The following PTPRS variants were observed in gnomAD, a reference collection of about 807,000 sequenced individuals.
PTPRS encodes the protein receptor-type tyrosine-protein phosphatase S.
In PTPRS, 63 loss-of-function variants were observed where a neutral mutation model predicts 215.3. The observed-to-expected ratio is 0.29, with a 90% CI of 0.24 to 0.36. The LOEUF (loss-of-function observed/expected upper bound fraction) is 0.36, where lower values mean the gene tolerates loss of function less well. PTPRS is among the 10% of genes least tolerant of loss of function. PTPRS has a pLI of 1.00. For missense variants in PTPRS, 2,258 were observed against 2,825.8 expected (o/e 0.80, Z 4.56); for synonymous variants, 1,404 against 1,191.4 (o/e 1.18, Z -3.68).
Position 5,257,429 on chromosome 19 carries a change from C to CTCGGAGAG in PTPRS, c.706+580_706+587dup, listed in dbSNP as rs780692297. 2.2e-6 allele frequency: 1 copy of CTCGGAGAG among 458,544 alleles called. No homozygotes were observed. The highest frequency in any genetic ancestry group is 1.5e-5 in the South Asian group (1 of 64,652). 28.4% of individuals were successfully genotyped at this position (458,544 alleles called of 1,614,324 possible). ...CCTCCCATCGGCCTGGACTGCCCTTCTCGGAGAGTCATTAGGAAGAGGCAG... is the reference window on the plus strand; with the variant it reads ...CCTCCCATCGGCCTGGACTGCCCTTCTCGGAGAGTCGGAGAGTCATTAGGAAGAGGCAG... On this transcript the variant is annotated intron_variant, in intron 8 of 37. Coordinates refer to ENST00000262963, the MANE Select transcript of PTPRS (RefSeq NM_002850.4). This position sits in a 1 kb window ranked among gnomAD's most constrained non-coding sequence, Gnocchi z 4.4.
intron 9 of PTPRS, 109 bp from the exon 10 acceptor site, chr19:5,246,154 AGAAAGAAAGAAG>A: frequency 1.8e-6 from 1 of 556,150 alleles, no homozygotes; most frequent in Non-Finnish European, 2.7e-6. Flanking sequence ...GCAGGAAGGA[AGAAAGAAAGAAG>A]GAAAGAAAGA....
chr19:5,327,203 C>T (rs1394984922), intron 1 of PTPRS, among the ~76,000 whole-genome samples: 3 of 152,194 alleles, frequency 2.0e-5, no homozygotes, highest in Admixed American at 6.5e-5. Context: ...CTCAATACCC[C>T]GGACACAGCG....
chr19:5,211,928 C>T (rs1215050636), intron 32 of PTPRS, 37 bp downstream of exon 32: 1 of 1,550,618 alleles, frequency 6.4e-7, no homozygotes, highest in South Asian at 1.2e-5. Context: ...GGGCCTCCTC[C>T]CCACCCCGCC....
intron 2 of PTPRS, among the ~76,000 whole-genome samples, chr19:5,274,647 T>C (rs1201187392): frequency 2.0e-5 from 1 of 49,512 alleles, no homozygotes; most frequent in East Asian, 2.0e-3. Flanking sequence ...GGATACAACC[T>C]CACCTGGGCA....
intron 4 of PTPRS, among the ~76,000 whole-genome samples, chr19:5,268,179 AAATAAATAAATT>A (rs1345399479): frequency 3.0e-5 from 4 of 131,958 alleles, no homozygotes; most frequent in Non-Finnish European, 5.1e-5. Context: ...CAAAATAAAT[AAATAAATAAATT>A]AATTAATTAA....
At chr19:5,238,471 GTC>G (rs1305010427) in intron 13 of PTPRS, among the ~76,000 whole-genome samples, 2 of 152,150 alleles carry the variant, frequency 1.3e-5, no homozygotes, top group South Asian at 2.1e-4. Flanking sequence ...AGGTGGGTTC[GTC>G]TCTGTGTCCT....
chr19:5,244,196 G>A lies in PTPRS; in HGVS notation c.1275C>T (p.Ala425=). 6.2e-7 allele frequency: 1 copy of A among 1,603,380 alleles called. No homozygotes were observed. Among genetic ancestry groups the A allele is most frequent in the Non-Finnish European group, 8.5e-7 (1 of 1,174,128 alleles). The part of the protein sequence containing the change: ...ESVVTRTGEQ[A]PASAPRNVQA... ...GCACGTTCCGCGGCGCGCTGGCCGG[G>A]GCCTGCTCGCCTGTGCGGGTGACCA... The change falls in exon 11 of 38, where the codon GCC becomes GCT. Residue 425 remains alanine, a synonymous_variant. Transcript: ENST00000262963. The surrounding 1 kb of genome is among the most constrained non-coding windows in gnomAD (Gnocchi z 7.2).
chr19:5,317,264 G>T (rs1185214941), intron 1 of PTPRS, among the ~76,000 whole-genome samples: 1 of 152,206 alleles, frequency 6.6e-6, no homozygotes, highest in African/African-American at 2.4e-5. Flanking sequence ...TTGAGGTCAA[G>T]AGTTCGAGAC....
At chr19:5,250,458 G>A (rs949216106) in intron 9 of PTPRS, among the ~76,000 whole-genome samples, 1 of 152,132 alleles carries the variant, frequency 6.6e-6, no homozygotes, top group Non-Finnish European at 1.5e-5. Context: ...CGGTGCCCAC[G>A]GGACGGAGAG....
At chr19:5,240,431 G>C in intron 11 of PTPRS, 99 bp from the exon 12 acceptor site, 1 of 1,244,684 alleles carries the variant, frequency 8.0e-7, no homozygotes, top group Non-Finnish European at 1.1e-6. Context: ...GCCAGCTCTG[G>C]GTGCTTCTAG....
rs762724693 is a variant in PTPRS, at chr19:5,215,492, G to T, written c.4194+6C>A. On this transcript the variant is annotated splice_donor_region_variant and intron_variant, in intron 27 of 37. Coordinates refer to ENST00000262963, the MANE Select transcript of PTPRS (RefSeq NM_002850.4). The stretch of plus-strand genomic sequence containing the variant: ...TGATGAGGGTGGGAGGCGGGGGTGG[G>T]CTCACCTCATACTCCTGGGAGAGCT... 8 of 1,471,452 alleles carry T rather than the reference G, an allele frequency of 5.4e-6. No individual in the cohort carries two copies. In the Admixed American group the frequency reaches 1.4e-4, roughly 25 times the overall value. The allele number at this position is 1,471,452 out of a possible 1,614,324, so 91.1% of individuals were successfully genotyped here. A position where few individuals can be genotyped will look rare whatever the true frequency, so the allele number is the denominator to read the frequency against.
In PTPRS at chr19:5,274,261, C is replaced by T. The variant is rs2047168907; in HGVS notation, c.175G>A (p.Asp59Asn). Residue 59 changes from aspartate to asparagine, a missense_variant, in exon 3 of 38, where the codon GAC becomes AAC. Asp to Asn is a conservative substitution (Grantham distance 23). Coordinates refer to ENST00000262963, the MANE Select transcript of PTPRS (RefSeq NM_002850.4). ...VASFVCQATG[D>N]PKPRVTWNKK... ...TTCCAGGTCACTCGTGGCTTGGGGT[C>T]ACCCGTGGCCTGACACACGAAAGAG... 1 of 1,614,026 alleles carries T rather than the reference C, an allele frequency of 6.2e-7. No individual in the cohort carries two copies. Among genetic ancestry groups the T allele is most frequent in the African/African-American group, 1.3e-5 (1 of 74,988 alleles).
chr19:5,282,441 C>T (rs913689712), intron 2 of PTPRS, among the ~76,000 whole-genome samples: 1 of 152,116 alleles, frequency 6.6e-6, no homozygotes, highest in African/African-American at 2.4e-5. Flanking sequence ...GCCTGCAGCT[C>T]GAGAGGCACA....
At chr19:5,330,134 A>G (rs1267796787) in intron 1 of PTPRS, among the ~76,000 whole-genome samples, 1 of 151,894 alleles carries the variant, frequency 6.6e-6, no homozygotes, top group African/African-American at 2.4e-5. Flanking sequence ...CAGAGCATCC[A>G]TCTAAATGCA....
Position 5,214,718 on chromosome 19 carries a change from T to G in PTPRS, c.4337A>C (p.Tyr1446Ser). ...QPIEGIMGSD[Y>S]INANYVDGYR... ...GCCGTCCACGTAGTTGGCATTGATG[T>G]AATCACTGCCCATGATGCCTGCAGC... The change falls in exon 29 of 38, where the codon TAC (tyrosine) becomes TCC (serine). Residue 1446 changes from tyrosine (Y) to serine (S), a missense_variant. Around this residue, in one of 6 missense-constraint regions of PTPRS, gnomAD observed 927 missense variants for 1,125.9 expected, o/e 0.82. Coordinates refer to ENST00000262963, the MANE Select transcript of PTPRS (RefSeq NM_002850.4). The G allele has an allele frequency of 6.2e-7, 1 of 1,606,824 alleles. No individual in the cohort carries two copies. The highest frequency in any genetic ancestry group is 8.5e-7 in the Non-Finnish European group (1 of 1,174,886).
intron 1 of PTPRS, among the ~76,000 whole-genome samples, chr19:5,313,498 C>T (rs2049774954): frequency 6.6e-6 from 1 of 152,216 alleles, no homozygotes; most frequent in South Asian, 2.1e-4. Context: ...CGCTGCCAGT[C>T]TCATTTCCTC....
intron 4 of PTPRS, among the ~76,000 whole-genome samples, chr19:5,268,442 G>A (rs549631353): frequency 6.6e-6 from 1 of 152,174 alleles, no homozygotes; most frequent in South Asian, 2.1e-4. Flanking sequence ...TGGGGCTCAG[G>A]GGTGGGTGGC....
chr19:5,242,481 C>A (rs2044125341), intron 11 of PTPRS, among the ~76,000 whole-genome samples: 1 of 151,536 alleles, frequency 6.6e-6, no homozygotes, highest in Non-Finnish European at 1.5e-5. Flanking sequence ...GATTCTCCTG[C>A]CTCAGCCTCC....
At chr19:5,290,292 G>A (rs1189692269) in intron 1 of PTPRS, among the ~76,000 whole-genome samples, 1 of 152,216 alleles carries the variant, frequency 6.6e-6, no homozygotes, top group Admixed American at 6.5e-5. Flanking sequence ...CCCCCAGCTG[G>A]GGTGGGACTT....
Sources: gnomAD v4.1 joint callset for allele counts (sites outside exome capture counted in the v4.1 genomes callset) on GRCh38, gnomAD v4.1.1 for gene constraint, gnomAD v4.1.1 regional missense constraint, Gnocchi (gnomAD v3.1) non-coding constraint, MANE v1.5 for transcripts, NCBI Gene and HGNC (gene_info 2026-07-23, HGNC 2026-07-21) for gene names.